The following CDK8 variants were observed in gnomAD, a reference collection of about 807,000 sequenced individuals.
CDK8 encodes the protein cyclin-dependent kinase 8.
CDK8 carries 29 observed loss-of-function variants against 71.5 expected under a neutral mutation model. The ratio of observed to expected loss-of-function variants is 0.41; its 90% confidence interval spans 0.30 to 0.55. The LOEUF is 0.55. CDK8 is among the 20% of genes least tolerant of loss of function. The pLI, the probability that CDK8 is intolerant of heterozygous loss-of-function variation, is 0.37. For missense variants in CDK8, 288 were observed against 572.6 expected, an observed-to-expected ratio of 0.50 and a Z score of 5.07; for synonymous variants, 161 against 192.1, an observed-to-expected ratio of 0.84 and a Z score of 1.34.
At chr13:26,339,741 A>T (rs1463942930) in intron 2 of CDK8, among the ~76,000 whole-genome samples, 2 of 58,762 alleles carry the variant, frequency 3.4e-5, no homozygotes, top group Non-Finnish European at 9.6e-5. Flanking sequence ...TATTTATATA[A>T]TTACTTAAAA....
At chr13:26,291,008 A>C (rs553310712) in intron 1 of CDK8, among the ~76,000 whole-genome samples, 18 of 151,386 alleles carry the variant, frequency 1.2e-4, no homozygotes, top group Admixed American at 4.0e-4. Context: ...AGTCCCAGCT[A>C]TTCGGGTGGT....
chr13:26,283,911 AAG>A (rs1462458582), intron 1 of CDK8, among the ~76,000 whole-genome samples: 5 of 152,080 alleles, frequency 3.3e-5, no homozygotes, highest in Non-Finnish European at 7.4e-5. Context: ...AAAAAAAAAA[AAG>A]TAACAAAATC....
intron 4 of CDK8, among the ~76,000 whole-genome samples, chr13:26,363,114 G>C (rs1264244293): frequency 2.0e-4 from 30 of 149,344 alleles, no homozygotes; most frequent in Admixed American, 6.7e-5. Context: ...GAGGTCAAGA[G>C]ATCGAGACCA....
At chr13:26,345,919 G>A (rs977571096) in intron 2 of CDK8, among the ~76,000 whole-genome samples, 6 of 152,160 alleles carry the variant, frequency 3.9e-5, no homozygotes, top group African/African-American at 1.4e-4. Context: ...CCATGAGAAT[G>A]AATACATTAG....
Position 26,404,236 on chromosome 13 carries a change from G to T in CDK8, c.*155G>T. 1 of 795,872 alleles carries T rather than the reference G, an allele frequency of 1.3e-6. No individual in the cohort carries two copies. The highest frequency in any genetic ancestry group is 2.7e-5 in the East Asian group (1 of 36,530). The allele number at this position is 795,872 out of a possible 1,614,324, so 49.3% of individuals were successfully genotyped here. On this transcript the variant is annotated 3_prime_UTR_variant, in exon 13 of 13. Coordinates refer to ENST00000381527, the MANE Select transcript of CDK8 (RefSeq NM_001260.3). ...AGTTCCACCACTTTTCACAGATTGG[G>T]GTAGTGGCTTCCAAGTTGTACCTAT...
chr13:26,320,042 T>G (rs1195298905), intron 1 of CDK8, among the ~76,000 whole-genome samples: 1 of 152,106 alleles, frequency 6.6e-6, no homozygotes, highest in Non-Finnish European at 1.5e-5. Flanking sequence ...AGTTGGACCC[T>G]GCCTAACACC....
At chr13:26,258,059 A>C (rs1871607260) in intron 1 of CDK8, among the ~76,000 whole-genome samples, 1 of 152,156 alleles carries the variant, frequency 6.6e-6, no homozygotes, top group African/African-American at 2.4e-5. Context: ...AAAGCACTTT[A>C]CATTCATCAT....
At chr13:26,321,742 C>T (rs1874784864) in intron 1 of CDK8, among the ~76,000 whole-genome samples, 1 of 151,942 alleles carries the variant, frequency 6.6e-6, no homozygotes, top group Non-Finnish European at 1.5e-5. Flanking sequence ...TTTTCTCTTT[C>T]TCTTCTATAT....
chr13:26,280,552 GT>G (rs1186893150), intron 1 of CDK8, among the ~76,000 whole-genome samples: 1 of 152,150 alleles, frequency 6.6e-6, no homozygotes, highest in Non-Finnish European at 1.5e-5. Flanking sequence ...AGTAGTTTTA[GT>G]TTTGTTTCAC....
chr13:26,266,457 C>T (rs539426378), intron 1 of CDK8, among the ~76,000 whole-genome samples: 23 of 152,104 alleles, frequency 1.5e-4, no homozygotes, highest in Admixed American at 9.2e-4. Flanking sequence ...TAACAGGAAC[C>T]GTGGAGTGTA....
At chr13:26,268,255 CA>C (rs1872124803) in intron 1 of CDK8, among the ~76,000 whole-genome samples, 1 of 77,616 alleles carries the variant, frequency 1.3e-5, no homozygotes, top group Non-Finnish European at 2.5e-5. Flanking sequence ...CCCCCTCCCC[CA>C]ACACACACAC....
intron 4 of CDK8, among the ~76,000 whole-genome samples, chr13:26,377,874 T>C (rs1483994805): frequency 1.3e-5 from 2 of 152,236 alleles, no homozygotes; most frequent in Admixed American, 6.5e-5. Flanking sequence ...GTGTGTATTA[T>C]ACAAAATAAT....
chr13:26,374,060 G>A (rs913626465), intron 4 of CDK8, among the ~76,000 whole-genome samples: 1 of 151,190 alleles, frequency 6.6e-6, no homozygotes, highest in African/African-American at 2.4e-5. Flanking sequence ...AATTAGCTGG[G>A]CGTGGTGGTG....
intron 1 of CDK8, among the ~76,000 whole-genome samples, chr13:26,311,493 C>T (rs921719366): frequency 3.3e-5 from 5 of 152,234 alleles, no homozygotes; most frequent in Non-Finnish European, 5.9e-5. Context: ...GTCATGATTT[C>T]AGGCAACTTC....
chr13:26,377,487 A>G (rs1875009653), intron 4 of CDK8, among the ~76,000 whole-genome samples: 2 of 152,238 alleles, frequency 1.3e-5, no homozygotes, highest in Non-Finnish European at 2.9e-5. Context: ...TATAAGTAAC[A>G]TACATGTTGT....
chr13:26,270,268 A>T (rs9512173), intron 1 of CDK8, among the ~76,000 whole-genome samples: 8,138 of 151,878 alleles, frequency 0.054, 264 homozygotes, highest in South Asian at 0.07. Flanking sequence ...AGGTGCCTGT[A>T]ATCCTAGCTA....
At chr13:26,315,400 C>G (rs1159263280) in intron 1 of CDK8, among the ~76,000 whole-genome samples, 1 of 152,088 alleles carries the variant, frequency 6.6e-6, no homozygotes, top group African/African-American at 2.4e-5. Flanking sequence ...TGAGCACTGA[C>G]AAGAGCAGGG....
At chr13:26,355,707 T>TG (rs1873867949) in intron 4 of CDK8, among the ~76,000 whole-genome samples, 1 of 152,290 alleles carries the variant, frequency 6.6e-6, no homozygotes, top group East Asian at 1.9e-4. Context: ...TTTTGGCCAT[T>TG]GGGGTGGAGT....
At chr13:26,398,085 G>T (rs6491121) in intron 9 of CDK8, among the ~76,000 whole-genome samples, 141,139 of 152,194 alleles carry the variant, frequency 0.93, 65,494 homozygotes, top group East Asian at 1. Context: ...CTTTTTCTTC[G>T]CTTTCTACTG....
Sources: allele counts gnomAD v4.1 joint callset (sites outside exome capture counted in the v4.1 genomes callset), GRCh38; gene constraint gnomAD v4.1.1; transcripts MANE v1.5; gene names NCBI Gene and HGNC (gene_info 2026-07-23, HGNC 2026-07-21).